ITSN1: variants seen among roughly 807,000 people sequenced by gnomAD.
ITSN1 encodes intersectin 1.
ITSN1 carries 58 observed loss-of-function variants against 239.8 expected under a neutral mutation model. The ratio of observed to expected loss-of-function variants is 0.24; its 90% CI spans 0.20 to 0.30. The LOEUF (loss-of-function observed/expected upper bound fraction) is 0.30. Ranked by LOEUF, ITSN1 falls within the 10% of genes least tolerant of loss-of-function variation. The probability of loss-of-function intolerance (pLI) is 1.00; values close to 1 mark genes in which losing one functional copy is unlikely to be tolerated. For missense variants in ITSN1, 1,558 were observed against 2,103.3 expected (o/e 0.74, Z 5.07); for synonymous variants, 780 against 770.8 (o/e 1.01, Z -0.20).
rs538539640 is a variant in ITSN1 at position 33,736,191 on chromosome 21, A to G, written c.346+987A>G. 4.6e-5 allele frequency among the ~76,000 whole-genome samples: 7 copies of G among 152,366 alleles called. No homozygotes were observed. The South Asian group carries it at 1.2e-3, about 27-fold the overall frequency. Reference sequence around the variant, plus strand: ...GTTCTTTAACAGTTTAAAACAAAACATGAAAATTGTGGCTAGAGTTTCTTT... The same window carrying G: ...GTTCTTTAACAGTTTAAAACAAAACGTGAAAATTGTGGCTAGAGTTTCTTT... On this transcript the variant is annotated intron_variant, in intron 5 of 39. Coordinates refer to ENST00000381318, the MANE Select transcript of ITSN1 (RefSeq NM_003024.3).
chr21:33,676,927 G>A (rs2090628960), intron 1 of ITSN1, among the ~76,000 whole-genome samples: 1 of 150,980 alleles, frequency 6.6e-6, no homozygotes, highest in Admixed American at 6.6e-5. Flanking sequence ...AACACTGCAT[G>A]TTCTCACTCA....
intron 1 of ITSN1, among the ~76,000 whole-genome samples, chr21:33,645,130 CCTCTA>C: frequency 6.6e-6 from 1 of 152,168 alleles, no homozygotes; most frequent in African/African-American, 2.4e-5. Context: ...CGTCCAAATT[CCTCTA>C]CTCTAAATTA....
At chr21:33,743,609 A>G (rs909141889) in intron 5 of ITSN1, among the ~76,000 whole-genome samples, 3 of 152,252 alleles carry the variant, frequency 2.0e-5, no homozygotes, top group Non-Finnish European at 4.4e-5. Flanking sequence ...CAAATGATAA[A>G]AATGAATTCA....
rs80099348 is a variant in ITSN1 at position 33,886,598 on chromosome 21, C to A, written c.5017+138C>A. The A allele has an allele frequency of 9.4e-6, 7 of 742,300 alleles. No individual in the cohort carries two copies. In the East Asian group the frequency reaches 2.0e-4, roughly 21 times the overall value. 46.0% of individuals were successfully genotyped at this position (742,300 alleles called of 1,614,324 possible). Reference sequence around the variant, plus strand: ...AGAGATGAGGCTGGCTGGCACAAGACGAGGCTCTGTCTCCCCTGGAGGAGT... The same window carrying A: ...AGAGATGAGGCTGGCTGGCACAAGAAGAGGCTCTGTCTCCCCTGGAGGAGT... On this transcript the variant is annotated intron_variant, in intron 39 of 39. Coordinates refer to ENST00000381318, the MANE Select transcript of ITSN1 (RefSeq NM_003024.3).
rs893834918 is a variant in ITSN1, at chr21:33,890,228, G to A, written c.*1928G>A. 2.0e-5 allele frequency: 3 copies of A among 152,202 alleles called. No individual in the cohort carries two copies. The highest frequency in any genetic ancestry group is 7.2e-5 in the African/African-American group (3 of 41,458). 9.4% of individuals were successfully genotyped at this position (152,202 alleles called of 1,614,324 possible). On this transcript the variant is annotated 3_prime_UTR_variant, in exon 40 of 40. Transcript: ENST00000381318. ...AACACCGTTTGTTTAGTGTATTTAT[G>A]AAAGATATGCTACCATGGTAGAAAG...
rs776447980 is a variant in ITSN1, at chr21:33,797,353, C to T, written c.1953-26C>T. 65 of 1,601,134 alleles carry T rather than the reference C, an allele frequency of 4.1e-5. No individual in the cohort carries two copies. The highest frequency in any genetic ancestry group is 5.6e-5 in the Non-Finnish European group (65 of 1,169,460). On this transcript the variant is annotated intron_variant, in intron 17 of 39. Transcript: ENST00000381318. This position sits in a 1 kb window ranked among gnomAD's most constrained non-coding sequence, Gnocchi z 4.9. ...GTGTTAACTTAGAGTTGCTTTCTTGCTGTAATCAAGCGTGTTTGTTGGCAG... is the reference window on the plus strand; with the variant it reads ...GTGTTAACTTAGAGTTGCTTTCTTGTTGTAATCAAGCGTGTTTGTTGGCAG...
chr21:33,756,083 G>C (rs2067889661), intron 8 of ITSN1, among the ~76,000 whole-genome samples: 1 of 152,066 alleles, frequency 6.6e-6, no homozygotes, highest in African/African-American at 2.4e-5. Flanking sequence ...GCTGAGGCGG[G>C]TGGATCACCT....
At chr21:33,715,908 CT>C (rs1424416447) in intron 1 of ITSN1, among the ~76,000 whole-genome samples, 1 of 152,096 alleles carries the variant, frequency 6.6e-6, no homozygotes, top group Non-Finnish European at 1.5e-5. Context: ...CGGAGTGAGA[CT>C]CTGTCTCAAT....
rs1392841875 is a variant in ITSN1, at chr21:33,847,568, A to G, written c.3662-9168A>G. Reference sequence around the variant, plus strand: ...GATGAGGGCGTTGAGCAGAGAGAGTAGCCTTTGAAGCCATAGCCCATGGCT... The same window carrying G: ...GATGAGGGCGTTGAGCAGAGAGAGTGGCCTTTGAAGCCATAGCCCATGGCT... On this transcript the variant is annotated intron_variant, in intron 29 of 39. Coordinates refer to ENST00000381318, the MANE Select transcript of ITSN1 (RefSeq NM_003024.3). 6.6e-5 allele frequency among the ~76,000 whole-genome samples: 10 copies of G among 152,302 alleles called. No individual in the cohort carries two copies. The East Asian group carries it at 1.9e-3, about 29-fold the overall frequency.
At chr21:33,872,399 T>G (rs1245664557) in intron 33 of ITSN1, among the ~76,000 whole-genome samples, 1 of 151,924 alleles carries the variant, frequency 6.6e-6, no homozygotes, top group Non-Finnish European at 1.5e-5. Context: ...TAATGATATA[T>G]TATAAAACCC....
At chr21:33,843,397 T>A (rs2074891058) in intron 29 of ITSN1, among the ~76,000 whole-genome samples, 1 of 152,132 alleles carries the variant, frequency 6.6e-6, no homozygotes, top group Admixed American at 6.6e-5. Context: ...CGCACAAGCT[T>A]CATGCTGACC....
At chr21:33,649,852 T>C (rs1457607725) in intron 1 of ITSN1, among the ~76,000 whole-genome samples, 2 of 151,620 alleles carry the variant, frequency 1.3e-5, no homozygotes, top group Non-Finnish European at 2.9e-5. Context: ...CCATCTCTAC[T>C]AAAAAATACA....
chr21:33,654,176 A>G (rs1568849119), intron 1 of ITSN1, among the ~76,000 whole-genome samples: 1 of 150,648 alleles, frequency 6.6e-6, no homozygotes, highest in Non-Finnish European at 1.5e-5. Context: ...CCTCCCAAGT[A>G]GCTTTGACTA....
intron 34 of ITSN1, among the ~76,000 whole-genome samples, chr21:33,875,980 A>T (rs1480728583): frequency 6.6e-6 from 1 of 152,062 alleles, no homozygotes; most frequent in African/African-American, 2.4e-5. Context: ...GCGCCTGGCC[A>T]TCCACTGAGT....
chr21:33,729,765 C>T (rs557949958), intron 4 of ITSN1, among the ~76,000 whole-genome samples: 4 of 152,180 alleles, frequency 2.6e-5, no homozygotes, highest in South Asian at 2.1e-4. Context: ...CTCAGTAAGT[C>T]GGCACTTTAC....
chr21:33,755,586 T>C (rs1324595687), intron 8 of ITSN1, among the ~76,000 whole-genome samples, 189 bp downstream of exon 8: 1 of 152,206 alleles, frequency 6.6e-6, no homozygotes, highest in African/African-American at 2.4e-5. Flanking sequence ...TCATGCCCCA[T>C]TGCTTTGTGG....
intron 1 of ITSN1, among the ~76,000 whole-genome samples, chr21:33,705,043 A>G (rs1366304498): frequency 2.0e-5 from 3 of 150,182 alleles, no homozygotes; most frequent in East Asian, 4.0e-4. Context: ...CCTGGGAGGC[A>G]GAGGTTGCAG....
At chr21:33,673,614 C>T (rs1467187705) in intron 1 of ITSN1, among the ~76,000 whole-genome samples, 5 of 151,122 alleles carry the variant, frequency 3.3e-5, no homozygotes, top group Admixed American at 2.0e-4. Context: ...ATCTGTAACA[C>T]GTATTAGAGA....
intron 37 of ITSN1, 111 bp from the exon 38 acceptor site, chr21:33,885,328 G>T (rs1985604679): frequency 2.6e-6 from 3 of 1,144,518 alleles, no homozygotes; most frequent in Non-Finnish European, 1.3e-6. Context: ...GGAGAGGGAA[G>T]AATTACTTTT....
Sources: allele counts gnomAD v4.1 joint callset (sites outside exome capture counted in the v4.1 genomes callset), GRCh38; gene constraint gnomAD v4.1.1; non-coding constraint Gnocchi (gnomAD v3.1); transcripts MANE v1.5; gene names NCBI Gene and HGNC (gene_info 2026-07-23, HGNC 2026-07-21).